The following CDH12 variants were observed in gnomAD, a reference collection of about 807,000 sequenced individuals.
CDH12 encodes the protein cadherin-12.
Under a neutral mutation model 74.1 loss-of-function variants are expected in CDH12, and 41 were observed. The ratio of observed to expected loss-of-function variants is 0.55; its 90% CI spans 0.43 to 0.72. The LOEUF (loss-of-function observed/expected upper bound fraction) is 0.72. Among genes scored for constraint, CDH12 ranks in the 30% least tolerant of loss-of-function variants. CDH12 has a pLI of 0.00. For synonymous variants in CDH12, 399 were observed against 355.0 expected (o/e 1.12, Z -1.39); for missense variants, 945 against 977.2 (o/e 0.97, Z 0.44).
intron 1 of CDH12, among the ~76,000 whole-genome samples, chr5:22,810,004 T>G (rs774009168): frequency 3.3e-5 from 5 of 152,144 alleles, no homozygotes; most frequent in African/African-American, 1.2e-4. Flanking sequence ...TAGTGATAGA[T>G]TGAATTAACA....
intron 2 of CDH12, among the ~76,000 whole-genome samples, chr5:22,433,061 A>T (rs1030309428): frequency 2.0e-5 from 3 of 152,066 alleles, no homozygotes; most frequent in Non-Finnish European, 4.4e-5. Context: ...AGAAAAGCTG[A>T]CCTTGGCAAA....
intron 3 of CDH12, among the ~76,000 whole-genome samples, chr5:22,396,918 T>G (rs1742485527): frequency 1.3e-5 from 2 of 152,132 alleles, no homozygotes. Flanking sequence ...CAGATCCTGT[T>G]TCTTTCTTAT....
At chr5:22,568,714 C>A (rs541987829) in intron 1 of CDH12, among the ~76,000 whole-genome samples, 1 of 152,168 alleles carries the variant, frequency 6.6e-6, no homozygotes, top group Non-Finnish European at 1.5e-5. Context: ...TGGTTCCAGA[C>A]CATAAGAATA....
intron 8 of CDH12, among the ~76,000 whole-genome samples, chr5:21,832,830 T>G (rs1749113297): frequency 8.7e-6 from 1 of 115,300 alleles, no homozygotes; most frequent in Non-Finnish European, 1.7e-5. Context: ...ATATATATTA[T>G]AATAATATAA....
chr5:22,193,893 A>C (rs2150348735), intron 4 of CDH12, among the ~76,000 whole-genome samples: 1 of 152,322 alleles, frequency 6.6e-6, no homozygotes, highest in South Asian at 2.1e-4. Context: ...AATACAATTG[A>C]ATTTATGTAG....
At position 22,642,065 on chromosome 5, in the gene CDH12, C is replaced by T. The variant is rs75472276; in HGVS notation, c.-522-136701G>A. Among the ~76,000 whole-genome samples, 561 of 152,068 alleles carry T rather than the reference C, an allele frequency of 3.7e-3. 21 individuals are homozygous for T. In the East Asian group the frequency reaches 0.088, roughly 24 times the overall value. ...TTAAGTAAATTCACTGTTTATAAGA[C>T]GAAAAGACAATGTAGCACTTAGGAA... On this transcript the variant is annotated intron_variant, in intron 1 of 14. Transcript: ENST00000382254.
At chr5:21,966,315 A>G (rs1397680903) in intron 6 of CDH12, among the ~76,000 whole-genome samples, 1 of 152,160 alleles carries the variant, frequency 6.6e-6, no homozygotes, top group African/African-American at 2.4e-5. Flanking sequence ...GTGAAGGACC[A>G]GATAGTAAAT....
At chr5:22,325,550 T>C (rs1465502842) in intron 3 of CDH12, among the ~76,000 whole-genome samples, 2 of 138,570 alleles carry the variant, frequency 1.4e-5, no homozygotes, top group African/African-American at 5.7e-5. Flanking sequence ...TAGAACTTCA[T>C]TCACCACTCT....
chr5:21,924,872 G>C (rs1161052519), intron 6 of CDH12, among the ~76,000 whole-genome samples: 2 of 152,080 alleles, frequency 1.3e-5, no homozygotes, highest in African/African-American at 4.8e-5. Context: ...ATTGATACTA[G>C]AAATAACTAT....
chr5:22,774,185 T>C (rs1746966948), intron 1 of CDH12, among the ~76,000 whole-genome samples: 1 of 152,160 alleles, frequency 6.6e-6, no homozygotes, highest in South Asian at 2.1e-4. Flanking sequence ...TGTATGTTCA[T>C]TGTAGCACTA....
chr5:22,815,276 T>A (rs1749331426), intron 1 of CDH12, among the ~76,000 whole-genome samples: 1 of 152,196 alleles, frequency 6.6e-6, no homozygotes, highest in Non-Finnish European at 1.5e-5. Flanking sequence ...TTAAGTGGAT[T>A]ATTCTTTCTT....
intron 2 of CDH12, among the ~76,000 whole-genome samples, chr5:22,411,560 CTATATTTCAA>C (rs1454638436): frequency 3.9e-5 from 6 of 151,986 alleles, no homozygotes; most frequent in Non-Finnish European, 5.9e-5. Context: ...AGCTATTTCA[CTATATTTCAA>C]CATTATATTT....
intron 2 of CDH12, among the ~76,000 whole-genome samples, chr5:22,467,641 T>C (rs557575086): frequency 6.6e-6 from 1 of 152,320 alleles, no homozygotes; most frequent in East Asian, 1.9e-4. Context: ...TGGCACATAG[T>C]AGTTGTTCAA....
At chr5:21,756,687 C>T (rs1047753781) in intron 13 of CDH12, among the ~76,000 whole-genome samples, 16 of 152,076 alleles carry the variant, frequency 1.1e-4, no homozygotes, top group South Asian at 6.2e-4. Context: ...CCCCTAGAAA[C>T]GCTTTGTTAT....
intron 5 of CDH12, among the ~76,000 whole-genome samples, chr5:22,015,322 T>C (rs1212696555): frequency 6.6e-6 from 1 of 152,204 alleles, no homozygotes; most frequent in Non-Finnish European, 1.5e-5. Flanking sequence ...ATAATGCTTT[T>C]AAATTTCAGA....
intron 4 of CDH12, among the ~76,000 whole-genome samples, chr5:22,088,622 G>C (rs1184159057): frequency 6.6e-6 from 1 of 152,092 alleles, no homozygotes. Flanking sequence ...AGGCCAAAAG[G>C]ACAAAGGGCT....
intron 1 of CDH12, among the ~76,000 whole-genome samples, chr5:22,699,019 A>G (rs1431580893): frequency 6.6e-6 from 1 of 151,892 alleles, no homozygotes; most frequent in African/African-American, 2.4e-5. Context: ...TGATCTGAAA[A>G]GTAATTTGGT....
At position 21,846,447 on chromosome 5, in the gene CDH12, C is replaced by T. The variant is rs141007250; in HGVS notation, c.647-4119G>A. Among the ~76,000 whole-genome samples the T allele has an allele frequency of 1.5e-3, 227 of 152,178 alleles. 3 individuals are homozygous for T. The highest frequency in any genetic ancestry group is 5.1e-3 in the African/African-American group (212 of 41,540). On this transcript the variant is annotated intron_variant, in intron 7 of 14. Coordinates refer to ENST00000382254, the MANE Select transcript of CDH12 (RefSeq NM_004061.5). ...TGGGGTTCATTATCCCAGACAATGACGCCACTTCAAGAGTATGTCTGTTTT... is the reference window on the plus strand; with the variant it reads ...TGGGGTTCATTATCCCAGACAATGATGCCACTTCAAGAGTATGTCTGTTTT...
At chr5:22,001,156 A>T (rs890442302) in intron 5 of CDH12, among the ~76,000 whole-genome samples, 2 of 152,314 alleles carry the variant, frequency 1.3e-5, no homozygotes, top group Middle Eastern at 3.4e-3. Flanking sequence ...TCATAAGACA[A>T]TGAGATACAC....
Sources: allele counts gnomAD v4.1 joint callset (sites outside exome capture counted in the v4.1 genomes callset), GRCh38; gene constraint gnomAD v4.1.1; transcripts MANE v1.5; gene names NCBI Gene and HGNC (gene_info 2026-07-23, HGNC 2026-07-21).